Variants in CNTN4 observed in about 807,000 individuals in gnomAD.
CNTN4 encodes contactin 4, also known as contactin-4.
Under a neutral mutation model 122.5 loss-of-function variants are expected in CNTN4, and 77 were observed. The observed-to-expected ratio is 0.63, with a 90% CI of 0.52 to 0.76. The LOEUF (loss-of-function observed/expected upper bound fraction) is 0.76. Ranked by LOEUF, CNTN4 falls within the 30% of genes least tolerant of loss-of-function variation. The probability of loss-of-function intolerance (pLI) is 0.00; values close to 1 mark genes in which losing one functional copy is unlikely to be tolerated. For synonymous variants in CNTN4, 512 were observed against 447.0 expected, an observed-to-expected ratio of 1.15 and a Z score of -1.83; for missense variants, 1,256 against 1,259.1, an observed-to-expected ratio of 1.00 and a Z score of 0.04.
At chr3:2,533,303 G>GC (rs768508673) in intron 3 of CNTN4, among the ~76,000 whole-genome samples, 11 of 151,524 alleles carry the variant, frequency 7.3e-5, no homozygotes, top group Non-Finnish European at 1.6e-4. Flanking sequence ...CCCACAACAG[G>GC]CCCTGGTGTG....
chr3:2,715,962 T>C (rs2087471208), intron 4 of CNTN4, among the ~76,000 whole-genome samples: 1 of 152,144 alleles, frequency 6.6e-6, no homozygotes, highest in Admixed American at 6.6e-5. Flanking sequence ...GTTTTAATTT[T>C]ATTTGTTTAT....
At chr3:2,702,021 T>A (rs1017943719) in intron 4 of CNTN4, among the ~76,000 whole-genome samples, 1 of 152,156 alleles carries the variant, frequency 6.6e-6, no homozygotes, top group Non-Finnish European at 1.5e-5. Context: ...GTGAAAGGTA[T>A]TAGGCAACAA....
At chr3:2,150,512 A>C (rs1212047910) in intron 2 of CNTN4, among the ~76,000 whole-genome samples, 1 of 152,188 alleles carries the variant, frequency 6.6e-6, no homozygotes, top group African/African-American at 2.4e-5. Context: ...ATCTATTTCT[A>C]CGGGACAAGC....
At chr3:2,180,596 C>G (rs548414479) in intron 2 of CNTN4, among the ~76,000 whole-genome samples, 7 of 152,156 alleles carry the variant, frequency 4.6e-5, no homozygotes, top group Admixed American at 2.6e-4. Context: ...TTCTCCTGAC[C>G]TTCCTTATCC....
At chr3:2,757,980 A>G (rs958002538) in intron 6 of CNTN4, among the ~76,000 whole-genome samples, 3 of 152,212 alleles carry the variant, frequency 2.0e-5, no homozygotes, top group Admixed American at 6.5e-5. Context: ...GTTATCTGTC[A>G]TTAGCATTTC....
chr3:2,798,498 T>TGAATGCAG (rs2092266530), intron 6 of CNTN4, among the ~76,000 whole-genome samples: 1 of 152,016 alleles, frequency 6.6e-6, no homozygotes, highest in Admixed American at 6.6e-5. Context: ...TATAAATATG[T>TGAATGCAG]GAATGCAGGT....
At chr3:2,816,750 G>A (rs1171099374) in intron 6 of CNTN4, among the ~76,000 whole-genome samples, 1 of 150,024 alleles carries the variant, frequency 6.7e-6, no homozygotes, top group Non-Finnish European at 1.5e-5. Flanking sequence ...GAACCTGGGA[G>A]GTGGAGCTTG....
intron 4 of CNTN4, among the ~76,000 whole-genome samples, chr3:2,589,389 C>T (rs1009517507): frequency 3.3e-5 from 5 of 152,154 alleles, no homozygotes; most frequent in African/African-American, 1.2e-4. Flanking sequence ...AAAGTGCAAT[C>T]TTGTTTCTGT....
chr3:2,170,047 C>G (rs182675708), intron 2 of CNTN4, among the ~76,000 whole-genome samples: 1 of 152,076 alleles, frequency 6.6e-6, no homozygotes, highest in Non-Finnish European at 1.5e-5. Context: ...GGAGGCCGGG[C>G]GCGGTGGCTC....
chr3:2,910,849 C>T (rs2094292015), intron 12 of CNTN4, among the ~76,000 whole-genome samples: 2 of 152,074 alleles, frequency 1.3e-5, no homozygotes, highest in South Asian at 4.1e-4. Flanking sequence ...AAAAGGGAAG[C>T]CCCAGACCCT....
intron 7 of CNTN4, among the ~76,000 whole-genome samples, chr3:2,834,007 A>C (rs943822424): frequency 6.6e-6 from 1 of 151,978 alleles, no homozygotes; most frequent in Non-Finnish European, 1.5e-5. Flanking sequence ...TTAGCTGGGC[A>C]TGGTGGCGGG....
chr3:2,925,864 G>T (rs1256634976), intron 13 of CNTN4, 85 bp downstream of exon 13: 39 of 1,170,468 alleles, frequency 3.3e-5, no homozygotes, highest in Non-Finnish European at 4.8e-5. Flanking sequence ...GGAAGGTGGG[G>T]TGACTATCTG....
At chr3:2,204,822 A>G (rs1292383620) in intron 2 of CNTN4, among the ~76,000 whole-genome samples, 1 of 152,162 alleles carries the variant, frequency 6.6e-6, no homozygotes. Flanking sequence ...TGGAGTTTGA[A>G]TAGTAACTTA....
At chr3:2,720,251 C>G (rs1468114268) in intron 4 of CNTN4, among the ~76,000 whole-genome samples, 1 of 152,060 alleles carries the variant, frequency 6.6e-6, no homozygotes, top group African/African-American at 2.4e-5. Context: ...ATAGAGATGC[C>G]ATGACATCAA....
At chr3:2,170,576 G>A (rs1408973962) in intron 2 of CNTN4, among the ~76,000 whole-genome samples, 1 of 152,110 alleles carries the variant, frequency 6.6e-6, no homozygotes, top group African/African-American at 2.4e-5. Flanking sequence ...TGAAGTTCAA[G>A]TAAAAATCTT....
intron 4 of CNTN4, among the ~76,000 whole-genome samples, chr3:2,733,218 G>C (rs776441931): frequency 1.3e-5 from 2 of 152,138 alleles, no homozygotes; most frequent in Non-Finnish European, 2.9e-5. Flanking sequence ...AATGAATTGA[G>C]ATGATTGATA....
At chr3:3,029,998 C>G (rs1271393820) in intron 15 of CNTN4, among the ~76,000 whole-genome samples, 1 of 152,152 alleles carries the variant, frequency 6.6e-6, no homozygotes, top group African/African-American at 2.4e-5. Context: ...ATTATCTTGT[C>G]ATCCATTACG....
intron 4 of CNTN4, among the ~76,000 whole-genome samples, chr3:2,686,678 C>T (rs556369341): frequency 2.2e-4 from 34 of 152,164 alleles, no homozygotes; most frequent in African/African-American, 6.3e-4. Context: ...TGTGTTACAC[C>T]CTTTTCTCTT....
chr3:2,287,421 G>C (rs112207441), intron 2 of CNTN4, among the ~76,000 whole-genome samples: 2 of 151,842 alleles, frequency 1.3e-5, no homozygotes, highest in African/African-American at 4.8e-5. Flanking sequence ...AGGCAACTTA[G>C]TGAGACCTCA....
Sources: gnomAD v4.1 joint callset for allele counts (sites outside exome capture counted in the v4.1 genomes callset) on GRCh38, gnomAD v4.1.1 for gene constraint, MANE v1.5 for transcripts, NCBI Gene and HGNC (gene_info 2026-07-23, HGNC 2026-07-21) for gene names.